The following SBF2 variants were observed in gnomAD, a reference collection of about 807,000 sequenced individuals.
SBF2 encodes SET binding factor 2, also known as myotubularin-related protein 13.
Under a neutral mutation model 225.2 loss-of-function variants are expected in SBF2, and 112 were observed. The ratio of observed to expected loss-of-function variants is 0.50; its 90% CI spans 0.43 to 0.58. SBF2 has a LOEUF of 0.58. Ranked by LOEUF, SBF2 falls within the 20% of genes least tolerant of loss-of-function variation. The probability of loss-of-function intolerance (pLI) is 0.00; values close to 1 mark genes in which losing one functional copy is unlikely to be tolerated. For missense variants in SBF2, 1,996 were observed against 2,206.2 expected (o/e 0.90, Z 1.91); for synonymous variants, 763 against 773.3 (o/e 0.99, Z 0.22).
chr11:9,845,493 C>T, intron 24 of SBF2, 72 bp downstream of exon 24: 1 of 1,372,240 alleles, frequency 7.3e-7, no homozygotes. Flanking sequence ...CACCTGGACA[C>T]AAAGGATAGG....
chr11:10,113,917 T>G (rs1953003322), intron 2 of SBF2, among the ~76,000 whole-genome samples: 1 of 152,188 alleles, frequency 6.6e-6, no homozygotes, highest in Admixed American at 6.5e-5. Flanking sequence ...ATTTTCATAA[T>G]TTTAGAATAA....
chr11:9,817,658 A>T (rs1169612508), intron 28 of SBF2, among the ~76,000 whole-genome samples: 4 of 150,764 alleles, frequency 2.7e-5, no homozygotes, highest in Non-Finnish European at 5.9e-5. Context: ...TAATACTAGC[A>T]CTTTGGGAGG....
chr11:10,111,354 G>A (rs933761613), intron 2 of SBF2, among the ~76,000 whole-genome samples: 3 of 152,132 alleles, frequency 2.0e-5, no homozygotes, highest in Non-Finnish European at 2.9e-5. Context: ...AAATAAATGC[G>A]AAGTAGTCGG....
rs200554926 is a variant in SBF2, at chr11:10,096,578, T to C, written c.142-53597A>G. ...ATCATAACAATACTTTAAAAAAGCC[T>C]TACGAGACTTAGAATAAAGTAATTA... is the stretch of plus-strand genomic sequence containing the variant. On this transcript the variant is annotated intron_variant, in intron 2 of 39. Coordinates refer to ENST00000256190, the MANE Select transcript of SBF2 (RefSeq NM_030962.4). Among the ~76,000 whole-genome samples the C allele has an allele frequency of 3.3e-5, 5 of 152,214 alleles. No homozygotes were observed. In the East Asian group the frequency reaches 9.6e-4, roughly 29 times the overall value.
intron 28 of SBF2, among the ~76,000 whole-genome samples, chr11:9,822,417 C>A (rs999032649): frequency 6.6e-6 from 1 of 152,042 alleles, no homozygotes; most frequent in African/African-American, 2.4e-5. Context: ...CCCGCCACCA[C>A]GCCCGGCTAA....
intron 3 of SBF2, among the ~76,000 whole-genome samples, chr11:10,035,970 AT>A (rs745408077): frequency 4.6e-5 from 7 of 152,212 alleles, no homozygotes; most frequent in Non-Finnish European, 1.0e-4. Flanking sequence ...ACGTATGCTT[AT>A]TGTGACACTA....
At chr11:9,894,136 C>T (rs2134128633) in intron 17 of SBF2, among the ~76,000 whole-genome samples, 1 of 152,012 alleles carries the variant, frequency 6.6e-6, no homozygotes, top group African/African-American at 2.4e-5. Flanking sequence ...AATTGCAGCA[C>T]TTTGGGAGGC....
rs189669681 is a variant in SBF2, at chr11:9,833,555, C to T, written c.3456-1135G>A. The stretch of plus-strand genomic sequence containing the variant: ...CCTGCCTCAGCCTCCCGAGTAGCTA[C>T]GACTACAAGCGCCTGCCACCATCCC... On this transcript the variant is annotated intron_variant, in intron 26 of 39. Transcript: ENST00000256190. Among the ~76,000 whole-genome samples, 919 of 150,928 alleles carry T rather than the reference C, an allele frequency of 6.1e-3. 6 individuals are homozygous for T. The highest frequency in any genetic ancestry group is 0.011 in the Admixed American group (165 of 15,136).
chr11:10,017,911 T>G (rs1948711147), intron 6 of SBF2, among the ~76,000 whole-genome samples: 1 of 152,182 alleles, frequency 6.6e-6, no homozygotes, highest in Non-Finnish European at 1.5e-5. Context: ...TAATTGTTTT[T>G]CTAGCTCTGA....
intron 16 of SBF2, among the ~76,000 whole-genome samples, chr11:9,910,902 A>T (rs555627837): frequency 2.0e-5 from 3 of 149,218 alleles, no homozygotes; most frequent in Admixed American, 6.7e-5. Context: ...AAAAAAAAAA[A>T]AAAAAAATTA....
intron 2 of SBF2, among the ~76,000 whole-genome samples, chr11:10,115,249 T>C (rs1234129522): frequency 6.6e-6 from 1 of 152,212 alleles, no homozygotes; most frequent in Non-Finnish European, 1.5e-5. Context: ...CTGGCAGTTC[T>C]AACCTTTTCT....
At chr11:9,789,391 C>G in intron 34 of SBF2, 49 bp from the exon 35 acceptor site, 1 of 1,421,084 alleles carries the variant, frequency 7.0e-7, no homozygotes, top group Middle Eastern at 1.8e-4. Context: ...CAAAGTACCC[C>G]AAGCTCACTG....
intron 28 of SBF2, among the ~76,000 whole-genome samples, chr11:9,826,552 G>A (rs1855070386): frequency 6.6e-6 from 1 of 152,072 alleles, no homozygotes; most frequent in Non-Finnish European, 1.5e-5. Context: ...TCTAACCTCA[G>A]AGGATAGAGC....
Position 10,242,885 on chromosome 11 carries a change from T to G in SBF2, c.56-48898A>C, listed in dbSNP as rs577675708. ...GAAATAGATAGCAATAGAAAAATAC[T>G]AGGATACTTCAATCACCACTTAAAA... On this transcript the variant is annotated intron_variant, in intron 1 of 39. Transcript: ENST00000256190. 1.6e-4 allele frequency among the ~76,000 whole-genome samples: 25 copies of G among 152,306 alleles called. No individual in the cohort carries two copies. In the East Asian group the frequency reaches 1.9e-3, roughly 12 times the overall value.
At chr11:10,012,259 C>T (rs1173740988) in intron 6 of SBF2, among the ~76,000 whole-genome samples, 1 of 152,234 alleles carries the variant, frequency 6.6e-6, no homozygotes, top group Non-Finnish European at 1.5e-5. Flanking sequence ...GATCCTCCTA[C>T]CTCAGCTTCC....
At chr11:9,830,770 C>CAAAAAAAAAAAAAAAAAAAAAA (rs1206347819) in intron 27 of SBF2, among the ~76,000 whole-genome samples, 2 of 137,530 alleles carry the variant, frequency 1.5e-5, no homozygotes, top group African/African-American at 2.8e-5. Context: ...AAAAACAAAA[C>CAAAAAAAAAAAAAAAAAAAAAA]AAAACAAAAA....
At chr11:10,220,067 C>G (rs955095329) in intron 1 of SBF2, among the ~76,000 whole-genome samples, 1 of 152,160 alleles carries the variant, frequency 6.6e-6, no homozygotes, top group African/African-American at 2.4e-5. Context: ...TAAAGACACA[C>G]CAGAGACTGC....
intron 2 of SBF2, among the ~76,000 whole-genome samples, chr11:10,081,803 T>C (rs1026485255): frequency 6.7e-6 from 1 of 149,466 alleles, no homozygotes; most frequent in Non-Finnish European, 1.5e-5. Flanking sequence ...ATTAGCAACC[T>C]GACATTGTAT....
chr11:10,091,647 T>C lies in SBF2; in HGVS notation c.142-48666A>G, dbSNP rs529352365. ...TAATTTTGGGGGTAGGGAGGCTGCATAGAGGAGGAACTGTATCTCATCATT... is the reference window on the plus strand; with the variant it reads ...TAATTTTGGGGGTAGGGAGGCTGCACAGAGGAGGAACTGTATCTCATCATT... On this transcript the variant is annotated intron_variant, in intron 2 of 39. Coordinates refer to ENST00000256190, the MANE Select transcript of SBF2 (RefSeq NM_030962.4). Among the ~76,000 whole-genome samples the C allele has an allele frequency of 4.6e-5, 7 of 152,270 alleles. No individual in the cohort carries two copies. The East Asian group carries it at 9.6e-4, about 21-fold the overall frequency.
Sources: gnomAD v4.1 joint callset for allele counts (sites outside exome capture counted in the v4.1 genomes callset) on GRCh38, gnomAD v4.1.1 for gene constraint, MANE v1.5 for transcripts, NCBI Gene and HGNC (gene_info 2026-07-23, HGNC 2026-07-21) for gene names.